Variants in DPP10 observed in about 807,000 individuals in gnomAD.
DPP10 encodes dipeptidyl peptidase like 10.
DPP10 carries 33 observed loss-of-function variants against 120.9 expected under a neutral mutation model. That is an observed-to-expected ratio of 0.27 (90% CI 0.21 to 0.37). DPP10 has a LOEUF of 0.37. Ranked by LOEUF, DPP10 falls within the 10% of genes least tolerant of loss-of-function variation. DPP10 has a pLI of 1.00. For missense variants in DPP10, 816 were observed against 942.8 expected, an observed-to-expected ratio of 0.87 and a Z score of 1.76; for synonymous variants, 337 against 326.1, an observed-to-expected ratio of 1.03 and a Z score of -0.36.
chr2:115,288,598 C>G (rs577160521), intron 1 of DPP10, among the ~76,000 whole-genome samples: 1 of 151,922 alleles, frequency 6.6e-6, no homozygotes, highest in South Asian at 2.1e-4. Flanking sequence ...GGGGGGGAGC[C>G]TGTAATCCCA....
intron 1 of DPP10, among the ~76,000 whole-genome samples, chr2:114,884,729 C>T (rs1691916349): frequency 6.6e-6 from 1 of 152,272 alleles, no homozygotes; most frequent in South Asian, 2.1e-4. Context: ...TCCCCCAATT[C>T]CAAATTCCCA....
chr2:115,770,881 A>G (rs1238693844), intron 13 of DPP10, among the ~76,000 whole-genome samples: 1 of 152,088 alleles, frequency 6.6e-6, no homozygotes, highest in African/African-American at 2.4e-5. Flanking sequence ...GAAATATATG[A>G]TTTTCCCCTA....
At chr2:115,179,991 C>T (rs1254646311) in intron 1 of DPP10, among the ~76,000 whole-genome samples, 1 of 151,996 alleles carries the variant, frequency 6.6e-6, no homozygotes. Context: ...CCTCTTTTCT[C>T]TGAAAAATTT....
At chr2:114,698,684 A>G (rs1446212125) in intron 1 of DPP10, among the ~76,000 whole-genome samples, 5 of 152,058 alleles carry the variant, frequency 3.3e-5, no homozygotes, top group African/African-American at 1.2e-4. Context: ...AAAGCAAGTG[A>G]AAGTTTGGAG....
chr2:114,686,738 G>A (rs1467305895), intron 1 of DPP10, among the ~76,000 whole-genome samples: 1 of 151,828 alleles, frequency 6.6e-6, no homozygotes, highest in East Asian at 1.9e-4. Context: ...ACCTGAGCCA[G>A]GAAAAAACGC....
At chr2:114,592,166 C>T (rs1691518903) in intron 1 of DPP10, among the ~76,000 whole-genome samples, 1 of 152,080 alleles carries the variant, frequency 6.6e-6, no homozygotes, top group Non-Finnish European at 1.5e-5. Context: ...TTTCTTTCTA[C>T]AAGATTGAAA....
chr2:114,710,287 T>A (rs1183433694), intron 1 of DPP10, among the ~76,000 whole-genome samples: 2 of 152,248 alleles, frequency 1.3e-5, no homozygotes, highest in East Asian at 3.8e-4. Flanking sequence ...GAACCTGCAA[T>A]GTTGAAGGTA....
chr2:114,829,225 G>C (rs1174202501), intron 1 of DPP10, among the ~76,000 whole-genome samples: 1 of 151,918 alleles, frequency 6.6e-6, no homozygotes, highest in Non-Finnish European at 1.5e-5. Context: ...GGGCAGCAGA[G>C]GTAGCAGTGA....
intron 11 of DPP10, 87 bp downstream of exon 11, chr2:115,753,384 A>C (rs1678998157): frequency 2.3e-6 from 3 of 1,308,270 alleles, no homozygotes; most frequent in Non-Finnish European, 1.0e-6. Context: ...CTTTGTACAA[A>C]AAAAATTCAG....
chr2:115,264,121 T>C (rs1415994529), intron 1 of DPP10, among the ~76,000 whole-genome samples: 1 of 152,240 alleles, frequency 6.6e-6, no homozygotes, highest in Non-Finnish European at 1.5e-5. Flanking sequence ...TCAAGAGTGT[T>C]AACAGGTATC....
intron 1 of DPP10, among the ~76,000 whole-genome samples, chr2:114,640,377 C>A (rs538887482): frequency 3.3e-5 from 5 of 152,034 alleles, no homozygotes; most frequent in African/African-American, 1.2e-4. Context: ...ATCTTCCTTG[C>A]CCATTTTATT....
At chr2:115,371,067 T>C (rs2065377908) in intron 3 of DPP10, among the ~76,000 whole-genome samples, 2 of 152,200 alleles carry the variant, frequency 1.3e-5, no homozygotes, top group Admixed American at 6.6e-5. Flanking sequence ...ATGAATATTA[T>C]AGTGCTGGCT....
At chr2:115,738,081 A>G (rs1273233598) in intron 8 of DPP10, among the ~76,000 whole-genome samples, 1 of 152,300 alleles carries the variant, frequency 6.6e-6, no homozygotes, top group East Asian at 1.9e-4. Context: ...TCATAACTAT[A>G]CTGTATGCTT....
intron 23 of DPP10, 48 bp downstream of exon 23, chr2:115,836,613 A>G: frequency 6.2e-7 from 1 of 1,608,998 alleles, no homozygotes; most frequent in Non-Finnish European, 8.5e-7. Flanking sequence ...TTTGTTCTAA[A>G]AAATTAGTTA....
intron 1 of DPP10, among the ~76,000 whole-genome samples, chr2:114,577,444 G>A (rs1236456513): frequency 2.6e-5 from 4 of 152,122 alleles, no homozygotes; most frequent in Admixed American, 1.3e-4. Flanking sequence ...GGGACCCACC[G>A]GACTCATGGG....
At chr2:115,729,767 T>G (rs1213277135) in intron 8 of DPP10, among the ~76,000 whole-genome samples, 1 of 151,758 alleles carries the variant, frequency 6.6e-6, no homozygotes, top group Non-Finnish European at 1.5e-5. Context: ...CAGAGTGAGA[T>G]CCTTACCTCT....
intron 1 of DPP10, among the ~76,000 whole-genome samples, chr2:114,951,055 C>A (rs1302715187): frequency 6.6e-6 from 1 of 152,108 alleles, no homozygotes; most frequent in African/African-American, 2.4e-5. Context: ...CAAAAGCTGG[C>A]ATTGGTAAAG....
chr2:114,553,608 T>C (rs936754806), intron 1 of DPP10, among the ~76,000 whole-genome samples: 4 of 152,198 alleles, frequency 2.6e-5, no homozygotes, highest in Admixed American at 6.5e-5. Flanking sequence ...AAAGTGATAA[T>C]GTAGGCTGGA....
chr2:115,569,943 TA>T (rs1371548124), intron 5 of DPP10, among the ~76,000 whole-genome samples: 4 of 708 alleles, frequency 5.6e-3, no homozygotes, highest in African/African-American at 7.7e-3. Flanking sequence ...TAAAATTAGA[TA>T]AAAATAATCA....
Sources: allele counts gnomAD v4.1 joint callset (sites outside exome capture counted in the v4.1 genomes callset), GRCh38; gene constraint gnomAD v4.1.1; transcripts MANE v1.5; gene names NCBI Gene and HGNC (gene_info 2026-07-23, HGNC 2026-07-21).